SETBP1: variants seen among roughly 807,000 people sequenced by gnomAD.
The protein encoded by SETBP1 is SET binding protein 1.
SETBP1 carries 9 observed loss-of-function variants against 101.0 expected under a neutral mutation model. That is an observed-to-expected ratio of 0.09 (90% CI 0.05 to 0.16). SETBP1 has a LOEUF of 0.16. Among genes scored for constraint, SETBP1 ranks in the 10% least tolerant of loss-of-function variants. SETBP1 has a pLI of 1.00. For synonymous variants in SETBP1, 818 were observed against 788.5 expected, an observed-to-expected ratio of 1.04 and a Z score of -0.63; for missense variants, 1,858 against 2,033.8, an observed-to-expected ratio of 0.91 and a Z score of 1.66.
intron 2 of SETBP1, among the ~76,000 whole-genome samples, chr18:44,811,638 G>A (rs1201981432): frequency 1.3e-5 from 2 of 152,190 alleles, no homozygotes; most frequent in Non-Finnish European, 1.5e-5. Flanking sequence ...AATGAAGGGG[G>A]TAGAAAGCAA....
chr18:44,996,639 T>A (rs886165600), intron 4 of SETBP1, among the ~76,000 whole-genome samples: 2 of 152,242 alleles, frequency 1.3e-5, no homozygotes, highest in Admixed American at 1.3e-4. Context: ...CCATTTGTGC[T>A]TCCACATACT....
chr18:44,977,861 T>A (rs1328891607), intron 4 of SETBP1, among the ~76,000 whole-genome samples: 2 of 152,150 alleles, frequency 1.3e-5, no homozygotes, highest in Admixed American at 1.3e-4. Flanking sequence ...GAGTGACTGA[T>A]CTTTGCTTGC....
At chr18:44,720,065 A>G (rs1419727993) in intron 2 of SETBP1, among the ~76,000 whole-genome samples, 6 of 152,176 alleles carry the variant, frequency 3.9e-5, no homozygotes, top group African/African-American at 1.2e-4. Flanking sequence ...GAGAGAGTGC[A>G]CTGTTGTGTG....
At chr18:44,696,029 C>G (rs1212101248) in intron 1 of SETBP1, among the ~76,000 whole-genome samples, 1 of 152,108 alleles carries the variant, frequency 6.6e-6, no homozygotes, top group Admixed American at 6.5e-5. Context: ...GTCAGGATGA[C>G]AATGGCCTGT....
At chr18:45,027,154 A>G (rs1327537716) in intron 4 of SETBP1, among the ~76,000 whole-genome samples, 1 of 152,166 alleles carries the variant, frequency 6.6e-6, no homozygotes, top group Non-Finnish European at 1.5e-5. Flanking sequence ...ATTATAATTT[A>G]CTGCATAGAG....
chr18:44,924,720 C>G (rs1299267600), intron 3 of SETBP1, among the ~76,000 whole-genome samples: 1 of 152,126 alleles, frequency 6.6e-6, no homozygotes, highest in East Asian at 1.9e-4. Context: ...AGGGTTGTTT[C>G]CATGCCAACT....
intron 4 of SETBP1, 120 bp downstream of exon 4, chr18:44,953,460 A>T: frequency 1.2e-6 from 1 of 852,138 alleles, no homozygotes; most frequent in Non-Finnish European, 1.9e-6. Flanking sequence ...AATCAAATTA[A>T]AATGGGTCTC....
At chr18:44,727,725 C>T (rs2069745869) in intron 2 of SETBP1, among the ~76,000 whole-genome samples, 1 of 152,216 alleles carries the variant, frequency 6.6e-6, no homozygotes, top group Non-Finnish European at 1.5e-5. Flanking sequence ...TCCTCACAGA[C>T]ATTTAGCCAA....
chr18:44,785,084 G>A (rs1371838805), intron 2 of SETBP1, among the ~76,000 whole-genome samples: 1 of 152,102 alleles, frequency 6.6e-6, no homozygotes, highest in Non-Finnish European at 1.5e-5. Context: ...CATTTTTAAA[G>A]GAAGCCAATT....
chr18:44,786,788 G>A (rs1469509112), intron 2 of SETBP1, among the ~76,000 whole-genome samples: 1 of 152,186 alleles, frequency 6.6e-6, no homozygotes, highest in African/African-American at 2.4e-5. Flanking sequence ...CCTGGGTTTA[G>A]AGAGCCACAC....
intron 4 of SETBP1, among the ~76,000 whole-genome samples, chr18:45,034,260 C>T (rs2073351836): frequency 6.6e-6 from 1 of 152,186 alleles, no homozygotes; most frequent in Non-Finnish European, 1.5e-5. Flanking sequence ...CTGACCTTTT[C>T]GCATCCTGGG....
chr18:44,893,318 A>C (rs2069814550), intron 3 of SETBP1, among the ~76,000 whole-genome samples: 1 of 152,204 alleles, frequency 6.6e-6, no homozygotes, highest in African/African-American at 2.4e-5. Context: ...ACAATAACTC[A>C]CTAAATGCTC....
chr18:44,923,598 G>C (rs1287491100), intron 3 of SETBP1, among the ~76,000 whole-genome samples: 1 of 152,148 alleles, frequency 6.6e-6, no homozygotes, highest in East Asian at 1.9e-4. Context: ...TGAAAAGTCA[G>C]GGTTATTCCA....
chr18:45,045,620 C>G (rs1283232628), intron 5 of SETBP1, among the ~76,000 whole-genome samples: 1 of 152,092 alleles, frequency 6.6e-6, no homozygotes, highest in Non-Finnish European at 1.5e-5. Context: ...ATGAAATGCT[C>G]TGGTTGAATG....
At chr18:44,947,123 C>T (rs2071225175) in intron 3 of SETBP1, among the ~76,000 whole-genome samples, 1 of 152,080 alleles carries the variant, frequency 6.6e-6, no homozygotes, top group Admixed American at 6.5e-5. Context: ...ATTCAGTTAG[C>T]ACACAAATCA....
chr18:44,761,719 C>T (rs760864845), intron 2 of SETBP1, among the ~76,000 whole-genome samples: 11 of 152,192 alleles, frequency 7.2e-5, no homozygotes, highest in Admixed American at 2.6e-4. Flanking sequence ...AGATTTATGC[C>T]ATACACATAT....
intron 4 of SETBP1, among the ~76,000 whole-genome samples, chr18:45,030,130 T>C (rs1463972290): frequency 6.7e-6 from 1 of 149,758 alleles, no homozygotes; most frequent in Non-Finnish European, 1.5e-5. Flanking sequence ...CCATTCCGTA[T>C]GATATTGGCT....
chr18:44,796,552 TGCA>T (rs1483727106), intron 2 of SETBP1, among the ~76,000 whole-genome samples: 4 of 152,222 alleles, frequency 2.6e-5, no homozygotes, highest in Non-Finnish European at 5.9e-5. Flanking sequence ...TGATTCCAAC[TGCA>T]GCATGAGTTG....
At chr18:45,006,249 G>T (rs1367048111) in intron 4 of SETBP1, among the ~76,000 whole-genome samples, 2 of 152,140 alleles carry the variant, frequency 1.3e-5, no homozygotes, top group Non-Finnish European at 2.9e-5. Flanking sequence ...ACCATGCCCA[G>T]CCAAAAATCT....
Sources: allele counts gnomAD v4.1 joint callset (sites outside exome capture counted in the v4.1 genomes callset), GRCh38; gene constraint gnomAD v4.1.1; transcripts MANE v1.5; gene names NCBI Gene and HGNC (gene_info 2026-07-23, HGNC 2026-07-21).